PTPRD: variants seen among roughly 807,000 people sequenced by gnomAD.
PTPRD encodes protein tyrosine phosphatase receptor type D, also known as receptor-type tyrosine-protein phosphatase delta.
Under a neutral mutation model 214.5 loss-of-function variants are expected in PTPRD, and 34 were observed. The ratio of observed to expected loss-of-function variants is 0.16; its 90% CI spans 0.12 to 0.21. The LOEUF is 0.21. Ranked by LOEUF, PTPRD falls within the 10% of genes least tolerant of loss-of-function variation. The pLI is 1.00. For synonymous variants in PTPRD, 1,128 were observed against 845.7 expected, an observed-to-expected ratio of 1.33 and a Z score of -5.79; for missense variants, 2,545 against 2,398.7, an observed-to-expected ratio of 1.06 and a Z score of -1.27.
chr9:8,376,437 G>C (rs1414636730), intron 38 of PTPRD, among the ~76,000 whole-genome samples, 170 bp downstream of exon 38: 1 of 151,878 alleles, frequency 6.6e-6, no homozygotes. Flanking sequence ...CTGATAAATC[G>C]CCAGACAAGA....
intron 4 of PTPRD, among the ~76,000 whole-genome samples, chr9:9,980,052 C>T (rs1172935902): frequency 6.6e-6 from 1 of 151,824 alleles, no homozygotes; most frequent in African/African-American, 2.4e-5. Context: ...CTTTGTAAAC[C>T]ACAATTGAGA....
At chr9:8,695,424 T>A (rs906936447) in intron 12 of PTPRD, among the ~76,000 whole-genome samples, 1 of 146,334 alleles carries the variant, frequency 6.8e-6, no homozygotes, top group African/African-American at 2.5e-5. Context: ...ACACAGCAGG[T>A]TACTATAGAA....
In PTPRD at chr9:10,321,316, G is replaced by A. The variant is rs2096548510; in HGVS notation, c.-545+19647C>T. ...AAAACATCTCTGAGGAAATAATATT[G>A]AAGCTGCAATATGAAGAGTGAGAAG... On this transcript the variant is annotated intron_variant, in intron 3 of 45. Coordinates refer to ENST00000381196, the MANE Select transcript of PTPRD (RefSeq NM_002839.4). Among the ~76,000 whole-genome samples, 4 of 151,984 alleles carry A rather than the reference G, an allele frequency of 2.6e-5. No individual in the cohort carries two copies. The South Asian group carries it at 8.3e-4, about 32-fold the overall frequency.
chr9:9,874,497 T>C (rs1022852585), intron 5 of PTPRD, among the ~76,000 whole-genome samples: 1 of 152,162 alleles, frequency 6.6e-6, no homozygotes, highest in African/African-American at 2.4e-5. Context: ...AGGACTTAAA[T>C]GTAAGCGTGC....
intron 3 of PTPRD, among the ~76,000 whole-genome samples, chr9:10,119,740 T>C (rs150225698): frequency 6.6e-6 from 1 of 152,134 alleles, no homozygotes; most frequent in East Asian, 1.9e-4. Context: ...CATCGTCTTC[T>C]GTTAGAACAA....
At chr9:9,187,334 A>T (rs537885200) in intron 9 of PTPRD, among the ~76,000 whole-genome samples, 1 of 152,190 alleles carries the variant, frequency 6.6e-6, no homozygotes, top group South Asian at 2.1e-4. Context: ...CATTGTACTC[A>T]GATTTTCAGA....
chr9:8,623,602 A>G (rs2095890132), intron 14 of PTPRD, among the ~76,000 whole-genome samples: 1 of 151,948 alleles, frequency 6.6e-6, no homozygotes, highest in African/African-American at 2.4e-5. Context: ...AGTGATGATA[A>G]TGATAATCAC....
chr9:8,480,890 C>T (rs914017788), intron 30 of PTPRD, among the ~76,000 whole-genome samples: 3 of 152,096 alleles, frequency 2.0e-5, no homozygotes, highest in Non-Finnish European at 4.4e-5. Context: ...CCTGTAACCC[C>T]AGCACTTTGG....
chr9:9,632,058 TG>T (rs1208116999), intron 7 of PTPRD, among the ~76,000 whole-genome samples: 7 of 152,168 alleles, frequency 4.6e-5, no homozygotes, highest in Non-Finnish European at 1.0e-4. Flanking sequence ...CAAAATAGCA[TG>T]ACAGAAAAGA....
At chr9:9,071,350 G>C (rs1403848488) in intron 10 of PTPRD, among the ~76,000 whole-genome samples, 1 of 152,194 alleles carries the variant, frequency 6.6e-6, no homozygotes, top group Non-Finnish European at 1.5e-5. Context: ...CAAATAGGTT[G>C]ATTTTGAGTT....
chr9:10,239,232 C>A (rs2099638898), intron 3 of PTPRD, among the ~76,000 whole-genome samples: 1 of 151,856 alleles, frequency 6.6e-6, no homozygotes, highest in Non-Finnish European at 1.5e-5. Context: ...CACATTACCT[C>A]CATAGGAATA....
intron 3 of PTPRD, among the ~76,000 whole-genome samples, chr9:10,217,008 C>A (rs1171608976): frequency 6.6e-6 from 1 of 151,870 alleles, no homozygotes; most frequent in Admixed American, 6.6e-5. Context: ...TATTGGCCTG[C>A]AACTATAATC....
At chr9:8,390,320 T>G (rs929559947) in intron 36 of PTPRD, among the ~76,000 whole-genome samples, 1 of 152,130 alleles carries the variant, frequency 6.6e-6, no homozygotes, top group African/African-American at 2.4e-5. Context: ...ACTCACCTCC[T>G]TGCCTTTAAA....
At chr9:10,343,890 G>A (rs4517181) in intron 2 of PTPRD, among the ~76,000 whole-genome samples, 1,678 of 149,438 alleles carry the variant, frequency 0.011, 13 homozygotes, top group Non-Finnish European at 0.017. Context: ...TGAGCTCTTC[G>A]TAGATTCTGG....
intron 2 of PTPRD, among the ~76,000 whole-genome samples, chr9:10,396,885 C>G (rs1446094585): frequency 6.6e-6 from 1 of 151,986 alleles, no homozygotes; most frequent in Non-Finnish European, 1.5e-5. Flanking sequence ...AATTACATAG[C>G]TAACACTGCA....
intron 7 of PTPRD, among the ~76,000 whole-genome samples, chr9:9,645,096 C>G (rs1056064088): frequency 2.0e-4 from 30 of 152,222 alleles, no homozygotes; most frequent in African/African-American, 6.5e-4. Flanking sequence ...CCCCTAAACA[C>G]TGCCATGGGG....
intron 18 of PTPRD, 175 bp downstream of exon 18, chr9:8,524,750 G>C: frequency 4.0e-6 from 3 of 747,294 alleles, no homozygotes; most frequent in East Asian, 2.5e-5. Flanking sequence ...TTGTCTTTTG[G>C]AGTTAAACAA....
At chr9:10,066,814 C>G (rs2097894625) in intron 3 of PTPRD, among the ~76,000 whole-genome samples, 1 of 151,876 alleles carries the variant, frequency 6.6e-6, no homozygotes, top group African/African-American at 2.4e-5. Context: ...TTGCTGGTTT[C>G]AATACTACTA....
At chr9:8,553,180 A>G (rs886161989) in intron 14 of PTPRD, among the ~76,000 whole-genome samples, 7 of 152,206 alleles carry the variant, frequency 4.6e-5, no homozygotes, top group African/African-American at 1.7e-4. Context: ...CACCCTATAG[A>G]TTACAACTAA....
Sources: gnomAD v4.1 joint callset for allele counts (sites outside exome capture counted in the v4.1 genomes callset) on GRCh38, gnomAD v4.1.1 for gene constraint, MANE v1.5 for transcripts, NCBI Gene and HGNC (gene_info 2026-07-23, HGNC 2026-07-21) for gene names.